The following CNNM1 variants were observed in gnomAD, a reference collection of about 807,000 sequenced individuals.
CNNM1 encodes the protein cyclin and CBS domain divalent metal cation transport mediator 1, also known as metal transporter CNNM1.
In CNNM1, 44 loss-of-function variants were observed where a neutral mutation model predicts 78.8. That is an observed-to-expected ratio of 0.56 (90% CI 0.44 to 0.72). The LOEUF is 0.72. Among genes scored for constraint, CNNM1 ranks in the 30% least tolerant of loss-of-function variants. The pLI, the probability that CNNM1 is intolerant of heterozygous loss-of-function variation, is 0.00. For synonymous variants in CNNM1, 584 were observed against 581.5 expected, an observed-to-expected ratio of 1.00 and a Z score of -0.06; for missense variants, 1,101 against 1,292.2, an observed-to-expected ratio of 0.85 and a Z score of 2.27.
In CNNM1 at chr10:99,362,391, C is replaced by T; in HGVS notation, c.2023C>T (p.Leu675=). ...CCCTGTGGACTACTTTGTGCTGCTT[C>T]TACAGGTGAGTAGGAAAGTCAGGGA... The part of the protein sequence containing the change: ...NRPVDYFVLL[L]QGKVEVEVGK... The change falls in exon 4 of 11, where the codon CTA becomes TTA. Residue 675 remains leucine (L), a synonymous_variant. Transcript: ENST00000356713. 2 of 1,610,032 alleles carry T rather than the reference C, an allele frequency of 1.2e-6. No homozygotes were observed. Among genetic ancestry groups the T allele is most frequent in the Non-Finnish European group, 1.7e-6 (2 of 1,178,220 alleles).
At chr10:99,335,711 A>G (rs2030148628) in intron 1 of CNNM1, among the ~76,000 whole-genome samples, 1 of 152,208 alleles carries the variant, frequency 6.6e-6, no homozygotes. Flanking sequence ...ACAGGCTGTC[A>G]TTAGAAAATA....
intron 1 of CNNM1, among the ~76,000 whole-genome samples, chr10:99,357,090 G>A (rs2031247050): frequency 6.6e-6 from 1 of 152,182 alleles, no homozygotes; most frequent in Admixed American, 6.5e-5. Flanking sequence ...TGGTAATTCA[G>A]TGGAGATTAA....
At chr10:99,377,366 G>A in intron 7 of CNNM1, 148 bp downstream of exon 7, 1 of 714,708 alleles carries the variant, frequency 1.4e-6, no homozygotes, top group Middle Eastern at 3.2e-4. Context: ...ACTGCTACTG[G>A]CTGTATAAAG....
intron 6 of CNNM1, among the ~76,000 whole-genome samples, chr10:99,371,426 G>A (rs2031798645): frequency 6.6e-6 from 1 of 152,102 alleles, no homozygotes; most frequent in African/African-American, 2.4e-5. Flanking sequence ...TCTCCTGGTG[G>A]TGGAGATAAT....
At chr10:99,351,266 G>A (rs980379197) in intron 1 of CNNM1, among the ~76,000 whole-genome samples, 1 of 152,162 alleles carries the variant, frequency 6.6e-6, no homozygotes, top group East Asian at 1.9e-4. Flanking sequence ...GGTATCTCAA[G>A]CATGTCTCAG....
intron 1 of CNNM1, among the ~76,000 whole-genome samples, chr10:99,348,510 TAAAAG>T (rs2030804250): frequency 6.6e-6 from 1 of 152,200 alleles, no homozygotes; most frequent in Non-Finnish European, 1.5e-5. Context: ...AAGTACTTGT[TAAAAG>T]AATAAAGGAA....
intron 7 of CNNM1, among the ~76,000 whole-genome samples, chr10:99,386,433 G>T (rs758361992): frequency 6.6e-6 from 1 of 152,152 alleles, no homozygotes; most frequent in Non-Finnish European, 1.5e-5. Flanking sequence ...TGATGCTGAG[G>T]TTTGAGAATC....
chr10:99,376,604 C>T (rs1290108322), intron 6 of CNNM1, among the ~76,000 whole-genome samples: 1 of 152,150 alleles, frequency 6.6e-6, no homozygotes, highest in African/African-American at 2.4e-5. Flanking sequence ...TGTAAAATAC[C>T]TCACCATGGT....
At chr10:99,356,550 C>CAGAAAGAAAGAAAGAA (rs1311718739) in intron 1 of CNNM1, among the ~76,000 whole-genome samples, 10 of 41,740 alleles carry the variant, frequency 2.4e-4, no homozygotes, top group South Asian at 1.6e-3. Flanking sequence ...GACAGACAGA[C>CAGAAAGAAAGAAAGAA]AGACAGACAG....
chr10:99,376,117 A>T (rs1049531083), intron 6 of CNNM1, among the ~76,000 whole-genome samples: 1 of 152,162 alleles, frequency 6.6e-6, no homozygotes, highest in Non-Finnish European at 1.5e-5. Context: ...CCCTAGACCC[A>T]CACTTTGGCC....
chr10:99,391,440 G>A lies in CNNM1; in HGVS notation c.2780G>A (p.Gly927Asp). Residue 927 changes from glycine to aspartate, a missense_variant, in exon 11 of 11, where the codon GGC becomes GAC. Around this residue, in one of 3 missense-constraint regions of CNNM1, gnomAD observed 348 missense variants for 384.5 expected, o/e 0.90. Coordinates refer to ENST00000356713, the MANE Select transcript of CNNM1 (RefSeq NM_020348.3). Reference sequence around the variant, plus strand: ...ACTTGCAACTTGTTTTTTTCAGGTGGCCAAAAAAGGAAGAGGTCACCAGAA... The same window carrying A: ...ACTTGCAACTTGTTTTTTTCAGGTGACCAAAAAAGGAAGAGGTCACCAGAA... ...VGKKLLRTLS[G>D]QKRKRSPEGE... 1 of 1,612,934 alleles carries A rather than the reference G, an allele frequency of 6.2e-7. No homozygotes were observed. Among genetic ancestry groups the A allele is most frequent in the African/African-American group, 1.3e-5 (1 of 74,926 alleles).
chr10:99,329,777 G>C lies in CNNM1; in HGVS notation c.390G>C (p.Pro130=). Residue 130 remains proline (P), a synonymous_variant, in exon 1 of 11, where the codon CCG becomes CCC. Coordinates refer to ENST00000356713, the MANE Select transcript of CNNM1 (RefSeq NM_020348.3). ...PSAVPTRPPG[P]QRCREQSDWA... is the part of the protein sequence containing the mutation. The stretch of plus-strand genomic sequence containing the variant: ...CGGTCCCCACTCGCCCCCCGGGACC[G>C]CAGCGCTGCAGGGAGCAGAGCGACT... 3 of 1,490,646 alleles carry C rather than the reference G, an allele frequency of 2.0e-6. No homozygotes were observed. Among genetic ancestry groups the C allele is most frequent in the Middle Eastern group, 2.3e-4 (1 of 4,308 alleles). The allele number at this position is 1,490,646 out of a possible 1,614,324, so 92.3% of individuals were successfully genotyped here.
chr10:99,371,449 A>G (rs553311198), intron 6 of CNNM1, among the ~76,000 whole-genome samples: 1 of 152,310 alleles, frequency 6.6e-6, no homozygotes, highest in South Asian at 2.1e-4. Flanking sequence ...TGAATTCCCC[A>G]TAACAGTCCT....
intron 1 of CNNM1, among the ~76,000 whole-genome samples, chr10:99,355,316 C>A (rs759277968): frequency 1.3e-5 from 2 of 151,848 alleles, no homozygotes; most frequent in Non-Finnish European, 2.9e-5. Flanking sequence ...AGGAGATATA[C>A]CTAATGTTAA....
chr10:99,378,347 C>T (rs917950486), intron 7 of CNNM1, among the ~76,000 whole-genome samples: 3 of 152,222 alleles, frequency 2.0e-5, no homozygotes, highest in Admixed American at 6.5e-5. Flanking sequence ...GCCAGCAGAA[C>T]ACCCAGTGGG....
intron 6 of CNNM1, chr10:99,368,724 G>T (rs989787287): frequency 2.4e-6 from 3 of 1,265,658 alleles, no homozygotes; most frequent in Non-Finnish European, 3.1e-6. Context: ...ATCCAGAGGG[G>T]TTTGCAAGAA....
intron 7 of CNNM1, among the ~76,000 whole-genome samples, chr10:99,387,563 A>C (rs2032341409): frequency 6.6e-6 from 1 of 152,218 alleles, no homozygotes; most frequent in Non-Finnish European, 1.5e-5. Flanking sequence ...CATCCTCTCC[A>C]GGGTCTCAGA....
At position 99,351,535 on chromosome 10, in the gene CNNM1, TTG is replaced by T. The variant is rs543033944; in HGVS notation, c.1574-5975_1574-5974del. On this transcript the variant is annotated intron_variant, in intron 1 of 10. Transcript: ENST00000356713. ...GCCCCAGTTGGACCCAGTTTAGGAGTTGTAAATATTCACAAGTCATCCCTGAG... is the reference window on the plus strand; with the variant it reads ...GCCCCAGTTGGACCCAGTTTAGGAGTTAAATATTCACAAGTCATCCCTGAG... 9.1e-4 allele frequency among the ~76,000 whole-genome samples: 138 copies of T among 152,140 alleles called. No homozygotes were observed. In the Middle Eastern group the frequency reaches 0.01, roughly 11 times the overall value.
At chr10:99,349,234 A>T (rs1302231466) in intron 1 of CNNM1, among the ~76,000 whole-genome samples, 1 of 152,234 alleles carries the variant, frequency 6.6e-6, no homozygotes, top group Non-Finnish European at 1.5e-5. Context: ...AGTGCCCATT[A>T]GAATCACCTG....
Sources: gnomAD v4.1 joint callset for allele counts (sites outside exome capture counted in the v4.1 genomes callset) on GRCh38, gnomAD v4.1.1 for gene constraint, gnomAD v4.1.1 regional missense constraint, MANE v1.5 for transcripts, NCBI Gene and HGNC (gene_info 2026-07-23, HGNC 2026-07-21) for gene names.